The following SERPINA12 variants were observed in gnomAD, a reference collection of about 807,000 sequenced individuals.
The protein encoded by SERPINA12 is serpin A12.
Under a neutral mutation model 25.9 loss-of-function variants are expected in SERPINA12, and 21 were observed. The ratio of observed to expected loss-of-function variants is 0.81; its 90% CI spans 0.58 to 1.17. The LOEUF (loss-of-function observed/expected upper bound fraction) is 1.17, where lower values mean the gene tolerates loss of function less well. Among genes scored for constraint, SERPINA12 ranks in the 50% most tolerant of loss-of-function variants. The pLI is 0.00. For missense variants in SERPINA12, 562 were observed against 508.3 expected (o/e 1.11, Z -1.02); for synonymous variants, 220 against 196.0 (o/e 1.12, Z -1.02).
chr14:94,493,394 C>T (rs1251594112), intron 3 of SERPINA12, among the ~76,000 whole-genome samples: 1 of 152,200 alleles, frequency 6.6e-6, no homozygotes, highest in African/African-American at 2.4e-5. Context: ...GGCAAGACAT[C>T]CCTGGGGTGA....
At chr14:94,490,545 C>T (rs942410819) in intron 3 of SERPINA12, among the ~76,000 whole-genome samples, 1 of 152,044 alleles carries the variant, frequency 6.6e-6, no homozygotes, top group African/African-American at 2.4e-5. Flanking sequence ...AAACAGTGCC[C>T]CTTTGATCCT....
At chr14:94,510,076 G>A, upstream of SERPINA12, 2 of 985,428 alleles carry the variant, frequency 2.0e-6, no homozygotes, top group Non-Finnish European at 2.4e-6. Flanking sequence ...TGGGCCTGTG[G>A]TCTGGGTACC....
upstream of SERPINA12, among the ~76,000 whole-genome samples, chr14:94,513,601 C>A (rs1208867579): frequency 1.3e-5 from 2 of 152,198 alleles, no homozygotes; most frequent in Non-Finnish European, 2.9e-5. Flanking sequence ...AAAGTAGTGA[C>A]TGTAAAAGGT....
At position 94,516,658 on chromosome 14, in the gene SERPINA12, T is replaced by C. The variant is rs75124446; in HGVS notation, c.-352-504A>G. ...ACCACAGAGGGTGAGAATTCGTCAC[T>C]ACACTGACACACCTGGCTGGAACTA... is the stretch of plus-strand genomic sequence containing the variant. On this transcript the variant is annotated intron_variant, in intron 1 of 5. Transcript: ENST00000341228. 7.9e-3 allele frequency among the ~76,000 whole-genome samples: 1,201 copies of C among 152,304 alleles called. 21 individuals are homozygous for C. Among genetic ancestry groups the C allele is most frequent in the African/African-American group, 0.027 (1,126 of 41,562 alleles).
At chr14:94,503,061 C>A (rs1421236087) in intron 1 of SERPINA12, among the ~76,000 whole-genome samples, 2 of 152,188 alleles carry the variant, frequency 1.3e-5, no homozygotes, top group Non-Finnish European at 2.9e-5. Flanking sequence ...TCACAAGAGC[C>A]CTGCACTTGA....
chr14:94,493,966 C>T (rs1485511939), intron 3 of SERPINA12, among the ~76,000 whole-genome samples: 1 of 152,122 alleles, frequency 6.6e-6, no homozygotes, highest in Non-Finnish European at 1.5e-5. Context: ...ATGTGAAGCC[C>T]CCAGTGTAGC....
At chr14:94,488,431 C>T (rs752836388) in intron 4 of SERPINA12, among the ~76,000 whole-genome samples, 1 of 151,756 alleles carries the variant, frequency 6.6e-6, no homozygotes, top group Non-Finnish European at 1.5e-5. Flanking sequence ...TGCACCCATC[C>T]CCGCACCCAT....
At chr14:94,495,456 A>G (rs1900378422) in intron 3 of SERPINA12, among the ~76,000 whole-genome samples, 2 of 152,190 alleles carry the variant, frequency 1.3e-5, no homozygotes, top group South Asian at 4.1e-4. Context: ...GCATGAAAAG[A>G]GTTGCATCAG....
At chr14:94,498,666 C>T (rs1900579590) in intron 1 of SERPINA12, among the ~76,000 whole-genome samples, 1 of 152,198 alleles carries the variant, frequency 6.6e-6, no homozygotes, top group Admixed American at 6.5e-5. Flanking sequence ...TTTGTACCCT[C>T]TTTATGGAAA....
chr14:94,510,012 C>T, upstream of SERPINA12: 4 of 985,446 alleles, frequency 4.1e-6, no homozygotes, highest in Non-Finnish European at 4.8e-6. Flanking sequence ...TGGGAGCAGG[C>T]AGCCCATCCA....
intron 1 of SERPINA12, among the ~76,000 whole-genome samples, chr14:94,501,483 T>C (rs1396306418): frequency 6.6e-6 from 1 of 152,246 alleles, no homozygotes; most frequent in East Asian, 1.9e-4. Flanking sequence ...GAACGGATTA[T>C]GGAATTCCAG....
chr14:94,515,117 G>A (rs893176210), intron 2 of SERPINA12, among the ~76,000 whole-genome samples: 2 of 152,214 alleles, frequency 1.3e-5, no homozygotes, highest in Non-Finnish European at 1.5e-5. Flanking sequence ...GGGCCAGCAC[G>A]GCCACGGTTA....
chr14:94,500,760 G>A (rs78684974), intron 1 of SERPINA12: 13,520 of 626,272 alleles, frequency 0.022, 305 homozygotes, highest in South Asian at 0.082. Flanking sequence ...AGAAACCGGG[G>A]CTGGGTCCAT....
rs1595683602 is a variant in SERPINA12, at chr14:94,489,708, GTCT to G, written c.962_964del (p.Lys321del). 5 of 1,614,194 alleles carry G rather than the reference GTCT, an allele frequency of 3.1e-6. No homozygotes were observed. In the East Asian group the frequency reaches 1.1e-4, roughly 36 times the overall value. ...TTTGGAGACACCTATGTAGGAGAGA[GTCT>G]TCTTCAGGTCGAAGGTGCCCGTCAT... On this transcript the variant is annotated inframe_deletion, in exon 4 of 5. Transcript: ENST00000677451.
At chr14:94,495,207 T>C (rs368771892) in intron 3 of SERPINA12, among the ~76,000 whole-genome samples, 1 of 149,998 alleles carries the variant, frequency 6.7e-6, no homozygotes, top group East Asian at 1.9e-4. Flanking sequence ...TAGCTGGGAC[T>C]ACAGGCGCCC....
intron 1 of SERPINA12, among the ~76,000 whole-genome samples, chr14:94,498,649 T>C (rs1044280980): frequency 1.3e-5 from 2 of 152,212 alleles, no homozygotes; most frequent in Non-Finnish European, 2.9e-5. Flanking sequence ...AGAAGACAAC[T>C]CTTGTTTTTG....
intron 1 of SERPINA12, among the ~76,000 whole-genome samples, chr14:94,507,230 AT>A (rs1174841841): frequency 1.1e-4 from 17 of 152,364 alleles, no homozygotes; most frequent in African/African-American, 4.1e-4. Flanking sequence ...GGTCTTTAAT[AT>A]TTTTTAACCT....
At chr14:94,493,017 T>C (rs1481863638) in intron 3 of SERPINA12, among the ~76,000 whole-genome samples, 2 of 152,222 alleles carry the variant, frequency 1.3e-5, no homozygotes, top group Non-Finnish European at 2.9e-5. Flanking sequence ...GGTGTGTGTC[T>C]GTTGACTTGG....
chr14:94,490,911 C>T (rs1171644273), intron 3 of SERPINA12, among the ~76,000 whole-genome samples: 1 of 152,162 alleles, frequency 6.6e-6, no homozygotes, highest in East Asian at 1.9e-4. Flanking sequence ...TGTCGGGCTC[C>T]ACCCCTCCCA....
Sources: gnomAD v4.1 joint callset for allele counts (sites outside exome capture counted in the v4.1 genomes callset) on GRCh38, gnomAD v4.1.1 for gene constraint, MANE v1.5 for transcripts, NCBI Gene and HGNC (gene_info 2026-07-23, HGNC 2026-07-21) for gene names.